C16orf89: variants seen among roughly 807,000 people sequenced by gnomAD.
The protein encoded by C16orf89 is chromosome 16 open reading frame 89, also known as UPF0764 protein C16orf89.
In C16orf89, 57 loss-of-function variants were observed where a neutral mutation model predicts 41.5. The ratio of observed to expected loss-of-function variants is 1.38; its 90% CI spans 1.11 to 1.71. C16orf89 has a LOEUF of 1.71. Ranked by LOEUF, C16orf89 falls within the 40% of genes most tolerant of loss-of-function variation. The probability of loss-of-function intolerance (pLI) is 0.00; values close to 1 mark genes in which losing one functional copy is unlikely to be tolerated. For missense variants in C16orf89, 575 were observed against 445.9 expected (o/e 1.29, Z -2.61); for synonymous variants, 223 against 190.6 (o/e 1.17, Z -1.40).
chr16:5,062,758 G>A (rs1411468169), intron 1 of C16orf89, among the ~76,000 whole-genome samples, 184 bp from the exon 2 acceptor site: 1 of 152,142 alleles, frequency 6.6e-6, no homozygotes, highest in Non-Finnish European at 1.5e-5. Context: ...GGGTGATCTG[G>A]GCAATGAGAA....
Position 5,058,598 on chromosome 16 carries a change from G to T in C16orf89, c.522C>A (p.Ser174Arg), listed in dbSNP as rs745974205. Residue 174 changes from serine to arginine, a missense_variant, in exon 4 of 8, where the codon AGC becomes AGA. Physicochemically the swap from Ser to Arg is moderately radical, Grantham distance 110. Transcript: ENST00000472572. Reference sequence around the variant, plus strand: ...AGAGGTCTGAGAGGCCGCAGGGCTCGCTGCTGTCCGTCCTGGGGGAAAGTG... The same window carrying T: ...AGAGGTCTGAGAGGCCGCAGGGCTCTCTGCTGTCCGTCCTGGGGGAAAGTG... ...VQLLGTGTDSSEPCGLSDLCR... is the reference protein window; with the variant it reads ...VQLLGTGTDSREPCGLSDLCR... The T allele has an allele frequency of 1.2e-6, 2 of 1,610,920 alleles. No homozygotes were observed. Among genetic ancestry groups the T allele is most frequent in the Admixed American group, 1.7e-5 (1 of 59,918 alleles).
At chr16:5,064,680 C>T (rs983454114) in intron 1 of C16orf89, among the ~76,000 whole-genome samples, 18 of 152,144 alleles carry the variant, frequency 1.2e-4, no homozygotes, top group Non-Finnish European at 2.2e-4. Context: ...GCACTGAATT[C>T]CTAGGGAATC....
Position 5,047,902 on chromosome 16 carries a change from T to C in C16orf89, c.931A>G (p.Lys311Glu). 2 of 1,600,762 alleles carry C rather than the reference T, an allele frequency of 1.2e-6. No individual in the cohort carries two copies. The highest frequency in any genetic ancestry group is 1.7e-6 in the Non-Finnish European group (2 of 1,168,816). Residue 311 changes from lysine (K) to glutamate (E), a missense_variant, in exon 7 of 8, where the codon AAG becomes GAG. Lys to Glu is a moderately conservative substitution (Grantham distance 56). Coordinates refer to ENST00000472572, the MANE Select transcript of C16orf89 (RefSeq NM_001098514.3). ...QYQQHFSRRV[K>E]RREKQFPDGC... ...CCTGGAAATTGTTTTTCTCGCCTCTTCACTCTCCTCGAAAAATGCTGCTGA... is the reference window on the plus strand; with the variant it reads ...CCTGGAAATTGTTTTTCTCGCCTCTCCACTCTCCTCGAAAAATGCTGCTGA...
intron 7 of C16orf89, among the ~76,000 whole-genome samples, chr16:5,045,310 C>T (rs1264107747): frequency 6.6e-6 from 1 of 152,238 alleles, no homozygotes; most frequent in African/African-American, 2.4e-5. Flanking sequence ...AGTGGCCTTC[C>T]TCTTAGTTGC....
At chr16:5,059,072 T>C (rs1211123692) in intron 3 of C16orf89, among the ~76,000 whole-genome samples, 1 of 151,722 alleles carries the variant, frequency 6.6e-6, no homozygotes, top group Admixed American at 6.6e-5. Context: ...AAACCCTGTC[T>C]CTACAAAAAA....
In C16orf89 at chr16:5,048,964, C is replaced by T. The variant is rs146866503; in HGVS notation, c.869-1000G>A. Among the ~76,000 whole-genome samples, 1,324 of 152,146 alleles carry T rather than the reference C, an allele frequency of 8.7e-3. 22 individuals are homozygous for T. The highest frequency in any genetic ancestry group is 0.03 in the African/African-American group (1,260 of 41,492). On this transcript the variant is annotated intron_variant, in intron 6 of 7. Transcript: ENST00000472572. ...AAAAAACGACCCAACTATATGCTGC[C>T]TACAAGAATCTCACTTCACTGGTAA... is the stretch of plus-strand genomic sequence containing the variant.
At chr16:5,053,450 G>C (rs1956434254) in intron 6 of C16orf89, among the ~76,000 whole-genome samples, 1 of 152,048 alleles carries the variant, frequency 6.6e-6, no homozygotes, top group Admixed American at 6.6e-5. Flanking sequence ...ACCAGAGGTT[G>C]GTTAGGGGAT....
At chr16:5,059,539 C>G (rs1956574463) in intron 3 of C16orf89, among the ~76,000 whole-genome samples, 1 of 152,128 alleles carries the variant, frequency 6.6e-6, no homozygotes, top group African/African-American at 2.4e-5. Flanking sequence ...CTCCGTGAAT[C>G]CAGCTGTGTC....
chr16:5,063,726 A>T (rs191497656), intron 1 of C16orf89, among the ~76,000 whole-genome samples: 2 of 152,286 alleles, frequency 1.3e-5, no homozygotes, highest in Admixed American at 1.3e-4. Context: ...ACCGTCTCCT[A>T]TCACCCCCAG....
intron 6 of C16orf89, among the ~76,000 whole-genome samples, chr16:5,052,407 T>A (rs1173215613): frequency 6.6e-6 from 1 of 152,078 alleles, no homozygotes; most frequent in Non-Finnish European, 1.5e-5. Flanking sequence ...TTGGGCAACA[T>A]GGCGAAACTC....
chr16:5,061,137 C>G (rs1956612246), intron 2 of C16orf89, among the ~76,000 whole-genome samples: 2 of 150,822 alleles, frequency 1.3e-5, no homozygotes, highest in East Asian at 4.0e-4. Flanking sequence ...TGGCAGGTGC[C>G]TGTAGTCCCA....
At chr16:5,045,619 C>T (rs998533835) in intron 7 of C16orf89, among the ~76,000 whole-genome samples, 8 of 152,156 alleles carry the variant, frequency 5.3e-5, no homozygotes, top group African/African-American at 1.7e-4. Flanking sequence ...CAGTGGCCTA[C>T]TGTATGCCAA....
At chr16:5,044,052 G>A, downstream of C16orf89, 2 of 906,278 alleles carry the variant, frequency 2.2e-6, no homozygotes, top group Non-Finnish European at 2.7e-6. Context: ...AGTGGGATTG[G>A]AGAGTTGAAA....
At chr16:5,062,193 C>T (rs116166910) in intron 2 of C16orf89, among the ~76,000 whole-genome samples, 64 of 152,280 alleles carry the variant, frequency 4.2e-4, no homozygotes, top group South Asian at 1.4e-3. Flanking sequence ...AGAGAAGACA[C>T]CCTGCTTCCT....
At chr16:5,046,987 C>T (rs1956309676) in intron 7 of C16orf89, among the ~76,000 whole-genome samples, 1 of 152,186 alleles carries the variant, frequency 6.6e-6, no homozygotes, top group African/African-American at 2.4e-5. Context: ...CTTGCCCATT[C>T]ATTGGCTTTC....
In C16orf89 at chr16:5,058,900, G is replaced by C. The variant is rs1196913103; in HGVS notation, c.510-290C>G. On this transcript the variant is annotated intron_variant, in intron 3 of 7. Transcript: ENST00000472572. ...ACATCTTTTCCAGCCCCGAACAGTG[G>C]GTACTTGAACCCAGACCACTTGGAA... 2.6e-5 allele frequency among the ~76,000 whole-genome samples: 4 copies of C among 152,030 alleles called. No homozygotes were observed. In the East Asian group the frequency reaches 5.8e-4, roughly 22 times the overall value.
chr16:5,054,256 G>C (rs1050132473), intron 6 of C16orf89, among the ~76,000 whole-genome samples: 1 of 152,170 alleles, frequency 6.6e-6, no homozygotes, highest in South Asian at 2.1e-4. Flanking sequence ...CAGGAAGGTG[G>C]GGATTACTAT....
At chr16:5,061,019 C>T (rs908826112) in intron 2 of C16orf89, among the ~76,000 whole-genome samples, 10 of 140,732 alleles carry the variant, frequency 7.1e-5, no homozygotes, top group African/African-American at 1.6e-4. Flanking sequence ...CCAGCACTTT[C>T]GGAAGCCAAG....
At chr16:5,062,622 T>C in intron 1 of C16orf89, 48 bp from the exon 2 acceptor site, 1 of 1,496,988 alleles carries the variant, frequency 6.7e-7, no homozygotes, top group Non-Finnish European at 9.0e-7. Context: ...AATCGGGACC[T>C]TTTTTTGCCT....
Sources: allele counts gnomAD v4.1 joint callset (sites outside exome capture counted in the v4.1 genomes callset), GRCh38; gene constraint gnomAD v4.1.1; transcripts MANE v1.5; gene names NCBI Gene and HGNC (gene_info 2026-07-23, HGNC 2026-07-21).